The following LPCAT2 variants were observed in gnomAD, a reference collection of about 807,000 sequenced individuals.
LPCAT2 encodes the protein lysophosphatidylcholine acyltransferase 2, also known as 1-AGP acyltransferase 11.
In LPCAT2, 58 loss-of-function variants were observed where a neutral mutation model predicts 64.7. The observed-to-expected ratio is 0.90, with a 90% CI of 0.73 to 1.12. The LOEUF (loss-of-function observed/expected upper bound fraction) is 1.12. Among genes scored for constraint, LPCAT2 ranks in the 50% most tolerant of loss-of-function variants. The pLI, the probability that LPCAT2 is intolerant of heterozygous loss-of-function variation, is 0.00. For missense variants in LPCAT2, 579 were observed against 669.8 expected, an observed-to-expected ratio of 0.86 and a Z score of 1.50; for synonymous variants, 252 against 245.3, an observed-to-expected ratio of 1.03 and a Z score of -0.26.
At position 55,528,439 on chromosome 16, in the gene LPCAT2, T is replaced by C. The variant is rs1596855948; in HGVS notation, c.374T>C (p.Ile125Thr). ...GCTATGTTCTTTTCAATGGGATTTATAGTTGCTGTAAAAGGAAAGATTGCA... is the reference window on the plus strand; with the variant it reads ...GCTATGTTCTTTTCAATGGGATTTACAGTTGCTGTAAAAGGAAAGATTGCA... The part of the protein sequence containing the change: ...GRAMFFSMGF[I>T]VAVKGKIASP... Residue 125 changes from isoleucine (I) to threonine (T), a missense_variant, in exon 3 of 14, where the codon ATA (isoleucine) becomes ACA (threonine). Ile to Thr is a moderately conservative substitution (Grantham distance 89). Transcript: ENST00000262134. 6.2e-7 allele frequency: 1 copy of C among 1,614,068 alleles called. No individual in the cohort carries two copies. Among genetic ancestry groups the C allele is most frequent in the Non-Finnish European group, 8.5e-7 (1 of 1,179,962 alleles).
chr16:55,550,765 T>G (rs1963507541), intron 10 of LPCAT2, among the ~76,000 whole-genome samples, 184 bp from the exon 11 acceptor site: 1 of 152,156 alleles, frequency 6.6e-6, no homozygotes. Flanking sequence ...AAATACAAAA[T>G]AAAAGATTAA....
At chr16:55,557,507 C>T (rs1012813237) in intron 11 of LPCAT2, among the ~76,000 whole-genome samples, 1 of 152,150 alleles carries the variant, frequency 6.6e-6, no homozygotes, top group East Asian at 1.9e-4. Context: ...TAGTTTGTTT[C>T]TCTCAGGGTA....
chr16:55,579,079 G>A (rs1567408253), intron 12 of LPCAT2, 30 bp from the exon 13 acceptor site: 1 of 1,607,730 alleles, frequency 6.2e-7, no homozygotes, highest in Non-Finnish European at 8.5e-7. Flanking sequence ...GATCCTGAGG[G>A]AGCTAATTCT....
rs1337654495 is a variant in LPCAT2 at position 55,585,017 on chromosome 16, G to T, written c.*1919G>T. 6.6e-6 allele frequency: 1 copy of T among 152,124 alleles called. No homozygotes were observed. The highest frequency in any genetic ancestry group is 6.5e-5 in the Admixed American group (1 of 15,276). 9.4% of individuals were successfully genotyped at this position (152,124 alleles called of 1,614,324 possible). A position where few individuals can be genotyped will look rare whatever the true frequency, so the allele number is the denominator to read the frequency against. On this transcript the variant is annotated 3_prime_UTR_variant, in exon 14 of 14. Transcript: ENST00000262134. ...TAATCCTATTAATCATGAAAGCGTAGCATTGTAAATTAAAGGTTTTCTTTG... is the reference window on the plus strand; with the variant it reads ...TAATCCTATTAATCATGAAAGCGTATCATTGTAAATTAAAGGTTTTCTTTG...
intron 11 of LPCAT2, among the ~76,000 whole-genome samples, chr16:55,552,899 A>G (rs1301269165): frequency 5.9e-5 from 9 of 152,176 alleles, no homozygotes; most frequent in Admixed American, 3.9e-4. Flanking sequence ...AAATAAGACA[A>G]CAATGAAGTT....
At chr16:55,530,499 G>GGC (rs1963238847) in intron 4 of LPCAT2, among the ~76,000 whole-genome samples, 1 of 151,016 alleles carries the variant, frequency 6.6e-6, no homozygotes. Flanking sequence ...GGGTGGGGGG[G>GGC]GGGTAACATT....
At chr16:55,560,782 C>T (rs375530056) in intron 11 of LPCAT2, among the ~76,000 whole-genome samples, 96 of 152,082 alleles carry the variant, frequency 6.3e-4, no homozygotes, top group African/African-American at 1.9e-3. Flanking sequence ...TTCTTTTTTA[C>T]TACAAACTGT....
At chr16:55,580,381 ATTT>A (rs1963875405) in intron 13 of LPCAT2, among the ~76,000 whole-genome samples, 1 of 152,200 alleles carries the variant, frequency 6.6e-6, no homozygotes, top group South Asian at 2.1e-4. Context: ...AAACTACTAA[ATTT>A]TGAAAAACTA....
chr16:55,529,924 A>T lies in LPCAT2; in HGVS notation c.619A>T (p.Thr207Ser). 6.2e-7 allele frequency: 1 copy of T among 1,611,092 alleles called. No individual in the cohort carries two copies. The highest frequency in any genetic ancestry group is 8.5e-7 in the Non-Finnish European group (1 of 1,178,728). The change falls in exon 4 of 14, where the codon ACA becomes TCA. Residue 207 changes from threonine (T) to serine (S), a missense_variant. By Grantham distance (58) the Thr-to-Ser change is moderately conservative. Coordinates refer to ENST00000262134, the MANE Select transcript of LPCAT2 (RefSeq NM_017839.5). ...AATAAATGAAATAATAAAGCGAACA[A>T]CATCAGGAGGAGAATGGCCCCAGGT... is the stretch of plus-strand genomic sequence containing the variant. ...NTINEIIKRT[T>S]SGGEWPQILV...
intron 11 of LPCAT2, among the ~76,000 whole-genome samples, chr16:55,562,980 C>A (rs1481208305): frequency 6.6e-6 from 1 of 151,612 alleles, no homozygotes; most frequent in Non-Finnish European, 1.5e-5. Context: ...AATATAAAAT[C>A]AAATCTCAAA....
At chr16:55,528,806 A>G (rs1242788952) in intron 3 of LPCAT2, among the ~76,000 whole-genome samples, 1 of 152,176 alleles carries the variant, frequency 6.6e-6, no homozygotes, top group Non-Finnish European at 1.5e-5. Context: ...AACTCTTTAA[A>G]ACTTTTTATC....
At position 55,531,994 on chromosome 16, in the gene LPCAT2, G is replaced by T. The variant is rs1187859795; in HGVS notation, c.703+20G>T. The T allele has an allele frequency of 7.1e-7, 1 of 1,403,030 alleles. No homozygotes were observed. The highest frequency in any genetic ancestry group is 1.0e-6 in the Non-Finnish European group (1 of 989,718). The allele number at this position is 1,403,030 out of a possible 1,614,324, so 86.9% of individuals were successfully genotyped here. A position where few individuals can be genotyped will look rare whatever the true frequency, so the allele number is the denominator to read the frequency against. Reference sequence around the variant, plus strand: ...AACCAGGTGAGAAAAATTAAATTATGTATTCTAACAAAGTAATATGTGAGA... The same window carrying T: ...AACCAGGTGAGAAAAATTAAATTATTTATTCTAACAAAGTAATATGTGAGA... On this transcript the variant is annotated intron_variant, in intron 5 of 13. Transcript: ENST00000262134.
chr16:55,574,820 T>G lies in LPCAT2; in HGVS notation c.1314+91T>G, dbSNP rs1371590338. The G allele has an allele frequency of 4.3e-5, 40 of 919,982 alleles. 1 individual carries two copies. Among genetic ancestry groups the G allele is most frequent in the South Asian group, 4.0e-4 (30 of 74,482 alleles). The allele number at this position is 919,982 out of a possible 1,614,324, so 57.0% of individuals were successfully genotyped here. On this transcript the variant is annotated intron_variant, in intron 12 of 13. Transcript: ENST00000262134. Reference sequence around the variant, plus strand: ...TATTTGAAAATCAGTGAATCTATTATGTGATTTTATAGATCTGCTGTGACA... The same window carrying G: ...TATTTGAAAATCAGTGAATCTATTAGGTGATTTTATAGATCTGCTGTGACA...
rs368692137 is a variant in LPCAT2, at chr16:55,527,670, C to T, written c.312-707C>T. ...TGTGTGTCTGGCATAGTTCCTGACA[C>T]AGTTTGATAAATTAACTAATCTATA... On this transcript the variant is annotated intron_variant, in intron 2 of 13. Coordinates refer to ENST00000262134, the MANE Select transcript of LPCAT2 (RefSeq NM_017839.5). 9.2e-5 allele frequency among the ~76,000 whole-genome samples: 14 copies of T among 152,154 alleles called. No homozygotes were observed. The East Asian group carries it at 2.5e-3, about 27-fold the overall frequency.
At chr16:55,573,125 G>T (rs570046910) in intron 11 of LPCAT2, among the ~76,000 whole-genome samples, 1 of 152,082 alleles carries the variant, frequency 6.6e-6, no homozygotes, top group Non-Finnish European at 1.5e-5. Flanking sequence ...TTTAGTTTCC[G>T]CCCTGCAGTA....
intron 5 of LPCAT2, 109 bp from the exon 6 acceptor site, chr16:55,532,715 C>A: frequency 1.5e-6 from 1 of 678,780 alleles, no homozygotes; most frequent in Non-Finnish European, 2.5e-6. Flanking sequence ...ATTTCTGTTA[C>A]ACATACTCTT....
chr16:55,586,125 C>T lies in LPCAT2; in HGVS notation c.*3027C>T, dbSNP rs1963943155. On this transcript the variant is annotated 3_prime_UTR_variant, in exon 14 of 14. Coordinates refer to ENST00000262134, the MANE Select transcript of LPCAT2 (RefSeq NM_017839.5). Reference sequence around the variant, plus strand: ...ATGTTAAATTGTTATATCAGAGTGACAAATAAGTGCTATGGCTTGATAGAA... The same window carrying T: ...ATGTTAAATTGTTATATCAGAGTGATAAATAAGTGCTATGGCTTGATAGAA... 1 of 151,904 alleles carries T rather than the reference C, an allele frequency of 6.6e-6. No homozygotes were observed. The highest frequency in any genetic ancestry group is 1.5e-5 in the Non-Finnish European group (1 of 67,988). The allele number at this position is 151,904 out of a possible 1,614,324, so 9.4% of individuals were successfully genotyped here. A position where few individuals can be genotyped will look rare whatever the true frequency, so the allele number is the denominator to read the frequency against.
intron 8 of LPCAT2, chr16:55,539,419 A>ATT (rs1963369021): frequency 6.6e-6 from 1 of 152,136 alleles, no homozygotes; most frequent in Non-Finnish European, 1.5e-5. Context: ...GTCGACAGAG[A>ATT]TTTGATGAAT....
At chr16:55,519,552 T>C (rs374985601) in intron 1 of LPCAT2, among the ~76,000 whole-genome samples, 3 of 151,436 alleles carry the variant, frequency 2.0e-5, no homozygotes, top group African/African-American at 7.3e-5. Context: ...AAGAACATTT[T>C]TTGGGTTGTA....
Sources: allele counts gnomAD v4.1 joint callset (sites outside exome capture counted in the v4.1 genomes callset), GRCh38; gene constraint gnomAD v4.1.1; transcripts MANE v1.5; gene names NCBI Gene and HGNC (gene_info 2026-07-23, HGNC 2026-07-21).